The following CPA6 variants were observed in gnomAD, a reference collection of about 807,000 sequenced individuals.
CPA6 encodes the protein carboxypeptidase A6, also known as carboxypeptidase B.
In CPA6, 58 loss-of-function variants were observed where a neutral mutation model predicts 63.3. That is an observed-to-expected ratio of 0.92 (90% CI 0.74 to 1.14). The LOEUF is 1.14. CPA6 is among the 50% of genes most tolerant of loss of function. The pLI is 0.00. For synonymous variants in CPA6, 185 were observed against 179.0 expected, an observed-to-expected ratio of 1.03 and a Z score of -0.27; for missense variants, 565 against 526.6, an observed-to-expected ratio of 1.07 and a Z score of -0.71.
intron 1 of CPA6, among the ~76,000 whole-genome samples, chr8:67,733,322 T>C (rs1375908249): frequency 6.6e-6 from 1 of 150,746 alleles, no homozygotes; most frequent in Non-Finnish European, 1.5e-5. Context: ...GGTGGCCTGA[T>C]AATTTTTAGC....
At chr8:67,469,475 G>C (rs1811007505) in intron 8 of CPA6, among the ~76,000 whole-genome samples, 2 of 152,134 alleles carry the variant, frequency 1.3e-5, no homozygotes, top group African/African-American at 4.8e-5. Context: ...ACGTGGTGGT[G>C]CATGCCTGTA....
In CPA6 at chr8:67,629,965, C is replaced by T. The variant is rs186699758; in HGVS notation, c.117-5714G>A. 6.4e-3 allele frequency among the ~76,000 whole-genome samples: 966 copies of T among 151,716 alleles called. 10 individuals are homozygous for T. Among genetic ancestry groups the T allele is most frequent in the African/African-American group, 0.021 (854 of 41,364 alleles). On this transcript the variant is annotated intron_variant, in intron 1 of 10. Coordinates refer to ENST00000297770, the MANE Select transcript of CPA6 (RefSeq NM_020361.5). ...ACTAAAAATACAAAAATTAGCTGGG[C>T]GTAGTGGCAGACATCTATAGCACCA...
chr8:67,490,636 G>C (rs906599675), intron 6 of CPA6, among the ~76,000 whole-genome samples: 3 of 152,170 alleles, frequency 2.0e-5, no homozygotes. Context: ...AGTTAATTAA[G>C]AAAGACATAG....
intron 2 of CPA6, among the ~76,000 whole-genome samples, chr8:67,590,105 G>T (rs1814072939): frequency 1.3e-5 from 2 of 148,606 alleles, no homozygotes; most frequent in African/African-American, 5.0e-5. Flanking sequence ...TGTTCTCATT[G>T]TTCAATTCCC....
chr8:67,446,225 A>G (rs927789663), intron 8 of CPA6, among the ~76,000 whole-genome samples: 4 of 135,306 alleles, frequency 3.0e-5, no homozygotes, highest in Admixed American at 7.3e-5. Context: ...GAGATGCGCC[A>G]CTGCACTCCA....
chr8:67,623,770 G>A (rs1257808378), intron 2 of CPA6, among the ~76,000 whole-genome samples: 1 of 151,952 alleles, frequency 6.6e-6, no homozygotes, highest in Admixed American at 6.6e-5. Flanking sequence ...TCCTTTAAAA[G>A]CTCTTTTGGC....
intron 1 of CPA6, among the ~76,000 whole-genome samples, chr8:67,743,623 C>T (rs913687723): frequency 1.3e-5 from 2 of 151,490 alleles, no homozygotes; most frequent in Non-Finnish European, 3.0e-5. Flanking sequence ...TCCCACTACC[C>T]ATCCCAAGGC....
intron 4 of CPA6, 94 bp from the exon 5 acceptor site, chr8:67,509,712 C>G: frequency 1.7e-6 from 1 of 591,904 alleles, no homozygotes; most frequent in Non-Finnish European, 3.0e-6. Context: ...AGTAGTTCTC[C>G]GAATTCAAGG....
chr8:67,648,258 G>GTTTTTTTTTTT (rs4009129), intron 1 of CPA6, among the ~76,000 whole-genome samples: 1 of 113,894 alleles, frequency 8.8e-6, no homozygotes, highest in South Asian at 3.1e-4. Context: ...CCTAGATTAG[G>GTTTTTTTTTTT]TTTTTTTTTT....
At chr8:67,599,782 T>C (rs1343055088) in intron 2 of CPA6, among the ~76,000 whole-genome samples, 1 of 152,200 alleles carries the variant, frequency 6.6e-6, no homozygotes, top group African/African-American at 2.4e-5. Context: ...AATGCCATGA[T>C]GATACTTTGG....
At position 67,681,497 on chromosome 8, in the gene CPA6, C is replaced by T. The variant is rs943769851; in HGVS notation, c.117-57246G>A. Among the ~76,000 whole-genome samples the T allele has an allele frequency of 6.6e-5, 10 of 152,208 alleles. No individual in the cohort carries two copies. The East Asian group carries it at 1.5e-3, about 23-fold the overall frequency. ...GTGCTGGGATTACAGGCGTGAGCCA[C>T]CGCGCCCGGCCAAAGATTTTCTTTA... On this transcript the variant is annotated intron_variant, in intron 1 of 10. Transcript: ENST00000297770.
intron 3 of CPA6, among the ~76,000 whole-genome samples, chr8:67,512,248 C>CTT (rs1488792309): frequency 6.6e-6 from 1 of 152,182 alleles, no homozygotes; most frequent in Non-Finnish European, 1.5e-5. Flanking sequence ...TTACCACTTT[C>CTT]TTTTTCCTGC....
intron 2 of CPA6, among the ~76,000 whole-genome samples, chr8:67,522,180 C>T (rs759496271): frequency 6.6e-6 from 1 of 151,954 alleles, no homozygotes; most frequent in African/African-American, 2.4e-5. Flanking sequence ...TTTTTTCAGG[C>T]CCGCCCATGG....
intron 2 of CPA6, among the ~76,000 whole-genome samples, chr8:67,594,002 G>T (rs1156756832): frequency 2.7e-5 from 4 of 150,796 alleles, no homozygotes; most frequent in Non-Finnish European, 4.4e-5. Flanking sequence ...ATTTTGGCAT[G>T]ATTTTGCAGC....
At position 67,746,204 on chromosome 8, in the gene CPA6, C is replaced by A; in HGVS notation, c.-75G>T. On this transcript the variant is annotated 5_prime_UTR_variant, in exon 1 of 11. Transcript: ENST00000297770. ...TGGAGGTGGCTCACAGCACCCTCTA[C>A]ACACCGCACAGGTTCTCCGGGAAGG... 1 of 1,007,916 alleles carries A rather than the reference C, an allele frequency of 9.9e-7. No homozygotes were observed. Among genetic ancestry groups the A allele is most frequent in the Non-Finnish European group, 1.5e-6 (1 of 673,860 alleles). 62.4% of individuals were successfully genotyped at this position (1,007,916 alleles called of 1,614,324 possible). A position where few individuals can be genotyped will look rare whatever the true frequency, so the allele number is the denominator to read the frequency against.
chr8:67,502,925 G>A (rs748345398), intron 6 of CPA6, among the ~76,000 whole-genome samples: 1 of 152,182 alleles, frequency 6.6e-6, no homozygotes, highest in Non-Finnish European at 1.5e-5. Context: ...TGTTCTATAG[G>A]CACTTGAAAA....
intron 8 of CPA6, among the ~76,000 whole-genome samples, chr8:67,477,704 A>G (rs890953503): frequency 6.6e-6 from 1 of 152,220 alleles, no homozygotes; most frequent in Non-Finnish European, 1.5e-5. Flanking sequence ...TCAACACGTC[A>G]TTCTCAGCCA....
intron 6 of CPA6, among the ~76,000 whole-genome samples, chr8:67,493,779 T>C (rs933914017): frequency 2.8e-5 from 4 of 142,534 alleles, no homozygotes; most frequent in African/African-American, 6.2e-5. Flanking sequence ...GCTTTTCTTT[T>C]CTTTCTTTCT....
At chr8:67,567,940 A>G (rs1015529656) in intron 2 of CPA6, among the ~76,000 whole-genome samples, 1 of 151,594 alleles carries the variant, frequency 6.6e-6, no homozygotes, top group African/African-American at 2.4e-5. Flanking sequence ...AGGCAGAAAC[A>G]AAGCAAGGAG....
Sources: allele counts gnomAD v4.1 joint callset (sites outside exome capture counted in the v4.1 genomes callset), GRCh38; gene constraint gnomAD v4.1.1; transcripts MANE v1.5; gene names NCBI Gene and HGNC (gene_info 2026-07-23, HGNC 2026-07-21).